The following FBN3 variants were observed in gnomAD, a reference collection of about 807,000 sequenced individuals.
FBN3 encodes the protein fibrillin 3.
In FBN3, 234 loss-of-function variants were observed where a neutral mutation model predicts 330.1. The observed-to-expected ratio is 0.71, with a 90% confidence interval of 0.64 to 0.79. FBN3 has a LOEUF of 0.79. Ranked by LOEUF, FBN3 falls within the 30% of genes least tolerant of loss-of-function variation. FBN3 has a pLI of 0.00. For missense variants in FBN3, 3,606 were observed against 3,886.9 expected, an observed-to-expected ratio of 0.93 and a Z score of 1.92; for synonymous variants, 1,458 against 1,517.3, an observed-to-expected ratio of 0.96 and a Z score of 0.91.
At chr19:8,134,102 C>T (rs954927863) in intron 13 of FBN3, among the ~76,000 whole-genome samples, 13 of 151,076 alleles carry the variant, frequency 8.6e-5, no homozygotes, top group African/African-American at 2.9e-4. Context: ...ATCAGCCGGG[C>T]GTGGTGGTGG....
intron 63 of FBN3, among the ~76,000 whole-genome samples, chr19:8,070,653 C>T (rs944539493): frequency 7.2e-5 from 11 of 152,204 alleles, no homozygotes; most frequent in African/African-American, 1.9e-4. Flanking sequence ...TGAACCACCA[C>T]GTTCAAGTTC....
At position 8,147,370 on chromosome 19, in the gene FBN3, C is replaced by A. The variant is rs755506612; in HGVS notation, c.111G>T (p.Leu37Phe). Residue 37 changes from leucine to phenylalanine, a missense_variant, in exon 2 of 64, where the codon TTG becomes TTT. Physicochemically the swap from Leu to Phe is conservative, Grantham distance 22 (BLOSUM62 0). Coordinates refer to ENST00000600128, the MANE Select transcript of FBN3 (RefSeq NM_032447.5). ...GCACACGTCCAGGACCTGCAGCCTC[C>A]AAGGCCCCGTCCCAGCGGCCTTGGC... is the stretch of plus-strand genomic sequence containing the variant. ...AGGQGRWDGALEAAGPGRVRR... is the reference protein window; with the variant it reads ...AGGQGRWDGAFEAAGPGRVRR... 2.5e-6 allele frequency: 4 copies of A among 1,601,848 alleles called. No homozygotes were observed. Among genetic ancestry groups the A allele is most frequent in the Non-Finnish European group, 3.4e-6 (4 of 1,176,042 alleles).
At chr19:8,117,345 G>A (rs985359953) in intron 27 of FBN3, 54 bp from the exon 28 acceptor site, 3 of 1,535,678 alleles carry the variant, frequency 2.0e-6, no homozygotes, top group East Asian at 4.9e-5. Flanking sequence ...GTCCAGGATG[G>A]GGAGGGGGCT....
In FBN3 at chr19:8,100,982, G is replaced by A. The variant is rs980767082; in HGVS notation, c.5090-10C>T. On this transcript the variant is annotated splice_polypyrimidine_tract_variant and intron_variant, in intron 40 of 63. Coordinates refer to ENST00000600128, the MANE Select transcript of FBN3 (RefSeq NM_032447.5). ...AGGATCTGGTAGTCAGCTGCGCAAA[G>A]GGGAACAAAGCTGAGTCTGGGGCTG... 6.2e-7 allele frequency: 1 copy of A among 1,611,952 alleles called. No homozygotes were observed. Among genetic ancestry groups the A allele is most frequent in the African/African-American group, 1.3e-5 (1 of 74,830 alleles).
At chr19:8,127,551 C>A (rs1466505536) in intron 18 of FBN3, among the ~76,000 whole-genome samples, 2 of 152,234 alleles carry the variant, frequency 1.3e-5, no homozygotes, top group African/African-American at 4.8e-5. Context: ...CTCAGTCCCA[C>A]AAGACTGTCT....
chr19:8,095,841 T>A, intron 45 of FBN3, 123 bp downstream of exon 45: 1 of 647,828 alleles, frequency 1.5e-6, no homozygotes, highest in East Asian at 2.8e-5. Flanking sequence ...TTTAGGAGTA[T>A]GTTATTTAAT....
At chr19:8,119,861 C>T (rs568789644) in intron 25 of FBN3, among the ~76,000 whole-genome samples, 49 of 139,604 alleles carry the variant, frequency 3.5e-4, no homozygotes, top group Middle Eastern at 4.2e-3. Flanking sequence ...CACACTGTTA[C>T]CCAGCCTGGA....
intron 57 of FBN3, among the ~76,000 whole-genome samples, chr19:8,082,349 GTC>G (rs902843529): frequency 1.8e-4 from 23 of 129,046 alleles, no homozygotes; most frequent in African/African-American, 2.9e-4. Context: ...CTTTCTTTTT[GTC>G]TCTCTCTCTT....
chr19:8,145,680 C>CAAAAAAAA (rs56250248), intron 5 of FBN3, among the ~76,000 whole-genome samples, 163 bp downstream of exon 5: 1 of 108,742 alleles, frequency 9.2e-6, no homozygotes, highest in Non-Finnish European at 1.8e-5. Flanking sequence ...GACTCTGTCT[C>CAAAAAAAA]AAAAAAAAAA....
At chr19:8,138,867 C>T (rs58173840) in intron 8 of FBN3, among the ~76,000 whole-genome samples, 32,594 of 151,510 alleles carry the variant, frequency 0.22, 3,860 homozygotes, top group East Asian at 0.4. Context: ...ACCAACATGG[C>T]GAAACCTCAT....
At chr19:8,123,650 C>A in intron 23 of FBN3, 61 bp from the exon 24 acceptor site, 1 of 1,606,260 alleles carries the variant, frequency 6.2e-7, no homozygotes, top group Non-Finnish European at 8.5e-7. Context: ...ATACACCAAG[C>A]CCTCCCTGGG....
rs1568378782 is a variant in FBN3 at position 8,089,951 on chromosome 19, GA to G, written c.6192del (p.Gln2065ArgfsTer21). ...CCGTGGCCAAAGGGGCAGAGCTCCTGAAAGGCAGCTGGACGGAGAGGGGGAG... is the reference window on the plus strand; with the variant it reads ...CCGTGGCCAAAGGGGCAGAGCTCCTGAAGGCAGCTGGACGGAGAGGGGGAG... ...ELCPQEGSAA[F>X]QELCPFGHGA... is the part of the protein sequence containing the mutation. On this transcript the variant is annotated frameshift_variant, in exon 50 of 64. Transcript: ENST00000600128. LOFTEE classifies it high-confidence loss of function. 1.2e-6 allele frequency: 2 copies of G among 1,610,750 alleles called. No homozygotes were observed. Among genetic ancestry groups the G allele is most frequent in the African/African-American group, 1.3e-5 (1 of 74,904 alleles).
chr19:8,101,722 C>T (rs985671324), intron 40 of FBN3, among the ~76,000 whole-genome samples: 18 of 151,942 alleles, frequency 1.2e-4, no homozygotes, highest in Non-Finnish European at 1.0e-4. Flanking sequence ...GCTTTCCTCC[C>T]TGGCCTGGGA....
In FBN3 at chr19:8,081,425, C is replaced by T. The variant is rs150192643; in HGVS notation, c.7269G>A (p.Thr2423=). 8.1e-6 allele frequency: 13 copies of T among 1,612,442 alleles called. 1 individual carries two copies. Among genetic ancestry groups the T allele is most frequent in the South Asian group, 4.4e-5 (4 of 90,902 alleles). The part of the protein sequence containing the change: ...PKPCTFLCKN[T]KGSFLCSCPR... ...GACAGCTGCACAGGAAACTGCCCTT[C>T]GTGTTTTTGCAGAGGAAGGTACATG... Residue 2423 remains threonine (T), a synonymous_variant, in exon 58 of 64, where the codon ACG becomes ACA. Coordinates refer to ENST00000600128, the MANE Select transcript of FBN3 (RefSeq NM_032447.5).
At chr19:8,100,197 T>C (rs1170930300) in intron 41 of FBN3, among the ~76,000 whole-genome samples, 1 of 152,000 alleles carries the variant, frequency 6.6e-6, no homozygotes, top group Admixed American at 6.6e-5. Context: ...TTCCAGGGAC[T>C]GAGGGGGATG....
chr19:8,077,439 G>A (rs1012154274), intron 59 of FBN3, among the ~76,000 whole-genome samples: 1 of 152,088 alleles, frequency 6.6e-6, no homozygotes, highest in African/African-American at 2.4e-5. Context: ...GGGAGTTTGA[G>A]ACCAGCCTGA....
At chr19:8,068,534 A>G (rs1373832360) in intron 63 of FBN3, among the ~76,000 whole-genome samples, 7 of 152,008 alleles carry the variant, frequency 4.6e-5, no homozygotes, top group East Asian at 1.9e-4. Context: ...CGTCTCTACA[A>G]AAAATACAAA....
intron 6 of FBN3, among the ~76,000 whole-genome samples, chr19:8,144,356 C>T (rs1408582268): frequency 6.6e-6 from 1 of 151,744 alleles, no homozygotes; most frequent in Admixed American, 6.6e-5. Flanking sequence ...GAGATCATAT[C>T]ACTGCACTCT....
At chr19:8,082,319 CTTTCTTTCTG>C (rs1278220266) in intron 57 of FBN3, among the ~76,000 whole-genome samples, 4 of 150,858 alleles carry the variant, frequency 2.7e-5, no homozygotes, top group African/African-American at 9.7e-5. Context: ...CTTTCTCTTT[CTTTCTTTCTG>C]TTTCTTTCTC....
Sources: gnomAD v4.1 joint callset for allele counts (sites outside exome capture counted in the v4.1 genomes callset) on GRCh38, gnomAD v4.1.1 for gene constraint, MANE v1.5 for transcripts, NCBI Gene and HGNC (gene_info 2026-07-23, HGNC 2026-07-21) for gene names.